The following PATJ variants were observed in gnomAD, a reference collection of about 807,000 sequenced individuals.
PATJ encodes the protein PATJ crumbs cell polarity complex component.
In PATJ, 190 loss-of-function variants were observed where a neutral mutation model predicts 224.9. The observed-to-expected ratio is 0.84, with a 90% CI of 0.75 to 0.95. The LOEUF is 0.95. Among genes scored for constraint, PATJ ranks in the 40% least tolerant of loss-of-function variants. The pLI is 0.00. For missense variants in PATJ, 2,121 were observed against 2,270.3 expected (o/e 0.93, Z 1.34); for synonymous variants, 769 against 820.3 (o/e 0.94, Z 1.07).
intron 42 of PATJ, among the ~76,000 whole-genome samples, chr1:62,149,215 G>T (rs925807688): frequency 6.6e-6 from 1 of 151,968 alleles, no homozygotes; most frequent in Admixed American, 6.6e-5. Flanking sequence ...TTCTGACTAG[G>T]TGGTCTGTGG....
intron 10 of PATJ, among the ~76,000 whole-genome samples, chr1:61,795,777 T>C (rs1557658923): frequency 1.4e-5 from 2 of 146,726 alleles, no homozygotes; most frequent in African/African-American, 4.9e-5. Flanking sequence ...AACATATTGG[T>C]AAAAAAGTAT....
intron 34 of PATJ, among the ~76,000 whole-genome samples, chr1:62,108,960 G>A (rs1324752510): frequency 6.6e-6 from 1 of 152,160 alleles, no homozygotes; most frequent in Non-Finnish European, 1.5e-5. Context: ...CCAAATGGAA[G>A]TTCATGCCTT....
intron 29 of PATJ, among the ~76,000 whole-genome samples, chr1:62,025,828 G>GATAA (rs902936259): frequency 3.9e-5 from 6 of 152,202 alleles, no homozygotes; most frequent in African/African-American, 1.2e-4. Flanking sequence ...GTCTCAAATA[G>GATAA]ATAAATAAAT....
chr1:61,973,355 T>G (rs1007651734), intron 27 of PATJ, among the ~76,000 whole-genome samples: 2 of 152,154 alleles, frequency 1.3e-5, no homozygotes, highest in African/African-American at 4.8e-5. Context: ...AATACGTATG[T>G]ACAGGGCTCT....
intron 16 of PATJ, among the ~76,000 whole-genome samples, chr1:61,832,083 C>G (rs1409115023): frequency 2.0e-5 from 3 of 152,080 alleles, no homozygotes; most frequent in Admixed American, 2.0e-4. Context: ...AACAGAAAAC[C>G]AAATACCACA....
intron 34 of PATJ, among the ~76,000 whole-genome samples, chr1:62,112,448 A>G (rs1419525692): frequency 1.3e-5 from 2 of 152,182 alleles, no homozygotes; most frequent in Admixed American, 6.5e-5. Flanking sequence ...GGAGGCTGCA[A>G]TGAGCCGGGA....
At chr1:62,060,565 C>T (rs905629442) in intron 31 of PATJ, among the ~76,000 whole-genome samples, 6 of 151,386 alleles carry the variant, frequency 4.0e-5, no homozygotes, top group South Asian at 2.1e-4. Context: ...AGATGGGTTT[C>T]GCCATGTTCA....
At chr1:62,006,457 T>G (rs1646103608) in intron 28 of PATJ, among the ~76,000 whole-genome samples, 1 of 152,232 alleles carries the variant, frequency 6.6e-6, no homozygotes, top group Non-Finnish European at 1.5e-5. Flanking sequence ...TATAAAAAAT[T>G]AACAGTAGTT....
intron 22 of PATJ, among the ~76,000 whole-genome samples, chr1:61,893,576 G>C (rs1669908640): frequency 6.6e-6 from 1 of 151,076 alleles, no homozygotes; most frequent in Non-Finnish European, 1.5e-5. Flanking sequence ...TGAGGCAGGA[G>C]GATTGCTTGA....
At chr1:62,102,859 CAAAAAAAAAA>C (rs1162014751) in intron 33 of PATJ, among the ~76,000 whole-genome samples, 9 of 47,028 alleles carry the variant, frequency 1.9e-4, no homozygotes, top group East Asian at 8.7e-4. Context: ...TACCCTGTCT[CAAAAAAAAAA>C]AAAAAAAAAA....
chr1:61,874,698 CAT>C (rs761219258), intron 20 of PATJ, among the ~76,000 whole-genome samples: 7 of 152,172 alleles, frequency 4.6e-5, no homozygotes, highest in South Asian at 2.1e-4. Context: ...CCATAAAAAA[CAT>C]GTATATAAAA....
At position 61,856,014 on chromosome 1, in the gene PATJ, T is replaced by C. The variant is rs1663595442; in HGVS notation, c.2113-16T>C. Reference sequence around the variant, plus strand: ...TCAGTGCATGGACTCATCCTTCTTCTTTGCTCGATTCACAGGACCCTTTAG... The same window carrying C: ...TCAGTGCATGGACTCATCCTTCTTCCTTGCTCGATTCACAGGACCCTTTAG... On this transcript the variant is annotated splice_polypyrimidine_tract_variant and intron_variant, in intron 17 of 43. Coordinates refer to ENST00000642238, the MANE Select transcript of PATJ (RefSeq NM_001350145.3). 2 of 1,603,664 alleles carry C rather than the reference T, an allele frequency of 1.2e-6. No homozygotes were observed. Among genetic ancestry groups the C allele is most frequent in the Middle Eastern group, 1.7e-4 (1 of 5,954 alleles).
intron 31 of PATJ, among the ~76,000 whole-genome samples, chr1:62,067,564 A>G (rs537953252): frequency 6.6e-6 from 1 of 152,306 alleles, no homozygotes; most frequent in South Asian, 2.1e-4. Context: ...AATTCCTCCC[A>G]GAGTTACTAT....
intron 14 of PATJ, among the ~76,000 whole-genome samples, chr1:61,810,833 A>C (rs1654612859): frequency 6.6e-6 from 1 of 152,200 alleles, no homozygotes; most frequent in African/African-American, 2.4e-5. Flanking sequence ...CTGAGGCAGG[A>C]GAATCACTTG....
At chr1:61,865,452 G>GAACTCCTGGGGTCAAGCATCTCCC (rs1665266312) in intron 20 of PATJ, 1 of 151,582 alleles carries the variant, frequency 6.6e-6, no homozygotes. Context: ...GGCTGGTCTT[G>GAACTCCTGGGGTCAAGCATCTCCC]AACTCCTGGG....
chr1:62,152,681 G>A (rs1445654112), intron 42 of PATJ, among the ~76,000 whole-genome samples: 2 of 152,004 alleles, frequency 1.3e-5, no homozygotes, highest in African/African-American at 2.4e-5. Context: ...AAGAAAAGGA[G>A]CAGCAGTTTC....
intron 33 of PATJ, among the ~76,000 whole-genome samples, chr1:62,105,305 A>T (rs1039776236): frequency 6.6e-6 from 1 of 152,192 alleles, no homozygotes; most frequent in Non-Finnish European, 1.5e-5. Flanking sequence ...TAATGTTCCA[A>T]GATCAAAGGA....
At chr1:61,983,933 T>C (rs1032056740) in intron 27 of PATJ, among the ~76,000 whole-genome samples, 1 of 151,436 alleles carries the variant, frequency 6.6e-6, no homozygotes, top group Non-Finnish European at 1.5e-5. Flanking sequence ...CAAGCAGTCA[T>C]CCCACCTCAG....
At chr1:61,962,070 T>G (rs1469053368) in intron 27 of PATJ, among the ~76,000 whole-genome samples, 4 of 152,186 alleles carry the variant, frequency 2.6e-5, no homozygotes, top group Non-Finnish European at 4.4e-5. Flanking sequence ...CTATTCTTAC[T>G]GGGAAACCTT....
Sources: allele counts gnomAD v4.1 joint callset (sites outside exome capture counted in the v4.1 genomes callset), GRCh38; gene constraint gnomAD v4.1.1; transcripts MANE v1.5; gene names NCBI Gene and HGNC (gene_info 2026-07-23, HGNC 2026-07-21).